The following PLPPR4 variants were observed in gnomAD, a reference collection of about 807,000 sequenced individuals.
PLPPR4 encodes phospholipid phosphatase related 4, also known as phospholipid phosphatase-related protein type 4.
Under a neutral mutation model 56.6 loss-of-function variants are expected in PLPPR4, and 24 were observed. The ratio of observed to expected loss-of-function variants is 0.42; its 90% confidence interval spans 0.31 to 0.60. The LOEUF is 0.60. PLPPR4 is among the 20% of genes least tolerant of loss of function. The probability of loss-of-function intolerance (pLI) is 0.13; values close to 1 mark genes in which losing one functional copy is unlikely to be tolerated. For synonymous variants in PLPPR4, 326 were observed against 328.1 expected, an observed-to-expected ratio of 0.99 and a Z score of 0.07; for missense variants, 654 against 885.8, an observed-to-expected ratio of 0.74 and a Z score of 3.32.
At chr1:99,267,245 T>C (rs1253424248) in intron 1 of PLPPR4, among the ~76,000 whole-genome samples, 1 of 152,228 alleles carries the variant, frequency 6.6e-6, no homozygotes, top group Admixed American at 6.5e-5. Flanking sequence ...TAATTCATGA[T>C]AGGTATGAGA....
At chr1:99,293,613 A>G (rs1027129806) in intron 2 of PLPPR4, among the ~76,000 whole-genome samples, 6 of 152,228 alleles carry the variant, frequency 3.9e-5, no homozygotes, top group African/African-American at 1.4e-4. Flanking sequence ...CTAATTTTAT[A>G]GAAGAATTCC....
chr1:99,289,534 T>A (rs2100799673), intron 2 of PLPPR4, among the ~76,000 whole-genome samples: 1 of 152,224 alleles, frequency 6.6e-6, no homozygotes, highest in East Asian at 1.9e-4. Flanking sequence ...ATTAATAATG[T>A]ACTTGGAAGA....
At chr1:99,264,200 G>A (rs1658830080), upstream of PLPPR4, 10 of 530,202 alleles carry the variant, frequency 1.9e-5, no homozygotes, top group Non-Finnish European at 3.3e-5. Flanking sequence ...AACCAGGAGT[G>A]CGTCCTCCTT....
In PLPPR4 at chr1:99,288,105, A is replaced by T; in HGVS notation, c.219A>T (p.Pro73=). ...PYIEPTQEAI[P]FLMLLSLAFA... ...TTGAACCAACCCAGGAGGCAATTCC[A>T]TTCCTCATGTTGCTTAGCTTGGCTT... The change falls in exon 2 of 7, where the codon CCA becomes CCT. Residue 73 remains proline, a synonymous_variant. Transcript: ENST00000370185. 1 of 1,613,790 alleles carries T rather than the reference A, an allele frequency of 6.2e-7. No homozygotes were observed.
At position 99,306,176 on chromosome 1, in the gene PLPPR4, G is replaced by A. The variant is rs1258597375; in HGVS notation, c.1314G>A (p.Ser438=). Reference sequence around the variant, plus strand: ...AAATGAGGTCAAGCTCAGAGCCATCGAGGGTAGGGGTGAATGGAGACCACC... The same window carrying A: ...AAATGAGGTCAAGCTCAGAGCCATCAAGGGTAGGGGTGAATGGAGACCACC... The part of the protein sequence containing the change: ...SIEMRSSSEP[S]RVGVNGDHHG... The change falls in exon 7 of 7, where the codon TCG becomes TCA. Residue 438 remains serine (S), a synonymous_variant. Coordinates refer to ENST00000370185, the MANE Select transcript of PLPPR4 (RefSeq NM_014839.5). This position sits in a 1 kb window ranked among gnomAD's most constrained non-coding sequence, Gnocchi z 4.0. The A allele has an allele frequency of 8.1e-6, 13 of 1,613,974 alleles. No homozygotes were observed. The highest frequency in any genetic ancestry group is 7.7e-5 in the South Asian group (7 of 91,072).
chr1:99,268,618 T>TATACTGTC (rs1246250257), intron 1 of PLPPR4, among the ~76,000 whole-genome samples: 1 of 152,218 alleles, frequency 6.6e-6, no homozygotes, highest in Admixed American at 6.5e-5. Context: ...TTGACAGTAA[T>TATACTGTC]ATTAGATGGT....
At chr1:99,304,202 A>T (rs1450187428) in intron 6 of PLPPR4, among the ~76,000 whole-genome samples, 2 of 152,118 alleles carry the variant, frequency 1.3e-5, no homozygotes, top group African/African-American at 4.8e-5. Flanking sequence ...AGAGTACTGA[A>T]TTTTTTCTAT....
intron 5 of PLPPR4, 48 bp from the exon 6 acceptor site, chr1:99,301,676 A>C: frequency 7.5e-7 from 1 of 1,340,122 alleles, no homozygotes; most frequent in Non-Finnish European, 1.0e-6. Context: ...TAATTTACTA[A>C]TAAAATGGCC....
In PLPPR4 at chr1:99,307,151, C is replaced by A; in HGVS notation, c.*141C>A. ...AGAACTCTGTAACTTTTCAGAACTG[C>A]TATACTCAAACTTGCAGATCTCACA... On this transcript the variant is annotated 3_prime_UTR_variant, in exon 7 of 7. Coordinates refer to ENST00000370185, the MANE Select transcript of PLPPR4 (RefSeq NM_014839.5). 1 of 1,001,568 alleles carries A rather than the reference C, an allele frequency of 1.0e-6. No homozygotes were observed. The highest frequency in any genetic ancestry group is 1.5e-6 in the Non-Finnish European group (1 of 685,430). 62.0% of individuals were successfully genotyped at this position (1,001,568 alleles called of 1,614,324 possible). A position where few individuals can be genotyped will look rare whatever the true frequency, so the allele number is the denominator to read the frequency against.
intron 2 of PLPPR4, among the ~76,000 whole-genome samples, chr1:99,294,951 T>A (rs371519487): frequency 3.9e-5 from 6 of 152,172 alleles, no homozygotes; most frequent in Non-Finnish European, 7.3e-5. Context: ...GAATAAGTGG[T>A]TAATTTTCTG....
At chr1:99,271,276 T>C (rs1359543246) in intron 1 of PLPPR4, among the ~76,000 whole-genome samples, 1 of 152,212 alleles carries the variant, frequency 6.6e-6, no homozygotes, top group Non-Finnish European at 1.5e-5. Context: ...ATCTTTATTT[T>C]TTGAATCAGA....
Position 99,296,795 on chromosome 1 carries a change from G to A in PLPPR4, c.322G>A (p.Gly108Arg), listed in dbSNP as rs766546057. 2.1e-5 allele frequency: 34 copies of A among 1,604,830 alleles called. No homozygotes were observed. Among genetic ancestry groups the A allele is most frequent in the East Asian group, 2.2e-5 (1 of 44,762 alleles). Residue 108 changes from glycine to arginine, a missense_variant, in exon 3 of 7, where the codon GGA becomes AGA. By Grantham distance (125) the Gly-to-Arg change is moderately radical. This residue lies in a region of PLPPR4 where 186 missense variants were observed against 331.4 expected (regional missense o/e 0.56). Transcript: ENST00000370185. ...CCTCTCCAAAAGAAGAAATGGGGTC[G>A]GACTAGAGCCCAACATTAATGCTGG... ...CCLSKRRNGVGLEPNINAGGC... is the reference protein window; with the variant it reads ...CCLSKRRNGVRLEPNINAGGC...
At chr1:99,288,990 T>C (rs1659547065) in intron 2 of PLPPR4, among the ~76,000 whole-genome samples, 1 of 152,016 alleles carries the variant, frequency 6.6e-6, no homozygotes, top group Admixed American at 6.6e-5. Flanking sequence ...ATTCAAAACA[T>C]AGTTGTTTTT....
chr1:99,264,364 C>T, upstream of PLPPR4: 1 of 1,168,144 alleles, frequency 8.6e-7, no homozygotes, highest in East Asian at 2.7e-5. Flanking sequence ...GGAGCAGGAG[C>T]CAGACTAGGG....
chr1:99,279,891 G>A (rs1274198358), intron 1 of PLPPR4, among the ~76,000 whole-genome samples: 1 of 152,136 alleles, frequency 6.6e-6, no homozygotes, highest in East Asian at 1.9e-4. Flanking sequence ...CTCAGTAAAT[G>A]TCCTTTGCTT....
intron 3 of PLPPR4, among the ~76,000 whole-genome samples, chr1:99,297,682 A>G (rs965747527): frequency 2.6e-5 from 4 of 152,128 alleles, no homozygotes; most frequent in African/African-American, 9.7e-5. Flanking sequence ...CACAAGAGGA[A>G]AAATCAGGTC....
chr1:99,301,658 T>C (rs544521570), intron 5 of PLPPR4, 66 bp from the exon 6 acceptor site: 7 of 1,161,698 alleles, frequency 6.0e-6, no homozygotes, highest in South Asian at 1.8e-5. Context: ...TTAACTTTTA[T>C]TTGATTATAA....
intron 1 of PLPPR4, among the ~76,000 whole-genome samples, chr1:99,281,962 A>T (rs1659338063): frequency 6.6e-6 from 1 of 152,190 alleles, no homozygotes; most frequent in African/African-American, 2.4e-5. Context: ...AACTAAAATA[A>T]TTTAACCTTG....
intron 1 of PLPPR4, among the ~76,000 whole-genome samples, chr1:99,272,797 C>T (rs11166209): frequency 0.069 from 10,420 of 151,988 alleles, 575 homozygotes; most frequent in East Asian, 0.17. Context: ...TGAATTTTCC[C>T]TTATACTTCA....
Sources: allele counts gnomAD v4.1 joint callset (sites outside exome capture counted in the v4.1 genomes callset), GRCh38; gene constraint gnomAD v4.1.1; regional missense constraint gnomAD v4.1.1; non-coding constraint Gnocchi (gnomAD v3.1); transcripts MANE v1.5; gene names NCBI Gene and HGNC (gene_info 2026-07-23, HGNC 2026-07-21).